MGAT4D: variants seen among roughly 807,000 people sequenced by gnomAD.
MGAT4D encodes the protein alpha-1,3-mannosyl-glycoprotein 4-beta-N-acetylglucosaminyltransferase-like protein MGAT4D.
In MGAT4D, 34 loss-of-function variants were observed where a neutral mutation model predicts 15.9. That is an observed-to-expected ratio of 2.14 (90% CI 1.62 to 2.84). The LOEUF is 2.84. MGAT4D is among the 30% of genes most tolerant of loss of function. MGAT4D has a pLI of 0.00. For synonymous variants in MGAT4D, 112 were observed against 48.2 expected (o/e 2.33, Z -5.49); for missense variants, 327 against 140.2 (o/e 2.33, Z -6.73).
intron 9 of MGAT4D, among the ~76,000 whole-genome samples, chr4:140,456,223 A>G (rs1189391595): frequency 2.0e-5 from 3 of 152,206 alleles, no homozygotes; most frequent in African/African-American, 7.2e-5. Flanking sequence ...TAACCTATCT[A>G]TAATATTTGA....
rs542301707 is a variant in MGAT4D, at chr4:140,465,690, AT to A, written c.573-682del. On this transcript the variant is annotated intron_variant, in intron 5 of 10. Coordinates refer to ENST00000511113, the MANE Select transcript of MGAT4D (RefSeq NM_001277353.2). Reference sequence around the variant, plus strand: ...GAGATTGGAATTTAGGCATTACATTATTTATTAACATGTTAAAGGTTCAAGG... The same window carrying A: ...GAGATTGGAATTTAGGCATTACATTATTATTAACATGTTAAAGGTTCAAGG... Among the ~76,000 whole-genome samples the A allele has an allele frequency of 1.4e-3, 216 of 152,338 alleles. 1 individual carries two copies. Among genetic ancestry groups the A allele is most frequent in the Non-Finnish European group, 2.9e-4 (20 of 68,010 alleles).
intron 2 of MGAT4D, among the ~76,000 whole-genome samples, chr4:140,481,348 C>T (rs1732716837): frequency 6.6e-6 from 1 of 152,126 alleles, no homozygotes; most frequent in Non-Finnish European, 1.5e-5. Context: ...AACTCTCATA[C>T]ATTGCTGGAG....
chr4:140,451,756 G>A (rs1730487439), intron 9 of MGAT4D, among the ~76,000 whole-genome samples: 1 of 152,034 alleles, frequency 6.6e-6, no homozygotes, highest in Non-Finnish European at 1.5e-5. Context: ...AGAAAAGCAG[G>A]TTAGTGTTGT....
chr4:140,473,295 G>A (rs1732095129), intron 4 of MGAT4D, among the ~76,000 whole-genome samples: 1 of 151,900 alleles, frequency 6.6e-6, no homozygotes, highest in Admixed American at 6.6e-5. Context: ...TTCTTTCAAT[G>A]ACTATCGAGT....
At chr4:140,453,740 C>T (rs548431061) in intron 9 of MGAT4D, among the ~76,000 whole-genome samples, 1 of 152,078 alleles carries the variant, frequency 6.6e-6, no homozygotes, top group Admixed American at 6.6e-5. Flanking sequence ...CTCCTGCTGC[C>T]ATGTAAGATG....
chr4:140,461,822 AG>A, intron 7 of MGAT4D, 106 bp downstream of exon 7: 1 of 445,360 alleles, frequency 2.2e-6, no homozygotes, highest in Non-Finnish European at 4.0e-6. Flanking sequence ...TATAGGAAGG[AG>A]GGAGAAAGTA....
At chr4:140,454,237 A>G (rs1228579788) in intron 9 of MGAT4D, among the ~76,000 whole-genome samples, 1 of 152,170 alleles carries the variant, frequency 6.6e-6, no homozygotes, top group Non-Finnish European at 1.5e-5. Context: ...GAAGTTGGCT[A>G]TGGGATTTCT....
At chr4:140,458,099 T>C (rs1730927374) in intron 8 of MGAT4D, 2 of 152,168 alleles carry the variant, frequency 1.3e-5, no homozygotes, top group Non-Finnish European at 2.9e-5. Flanking sequence ...GTAAACCGTA[T>C]AACCAATCTG....
Position 140,474,883 on chromosome 4 carries a change from A to T in MGAT4D, c.455T>A (p.Leu152Gln). Residue 152 changes from leucine to glutamine, a missense_variant, in exon 4 of 11, where the codon CTG (leucine) becomes CAG (glutamine). Transcript: ENST00000511113. ...RGNYSYLKQT[L>Q]TSVVSRMTLS... ...CGTCATCCTGGAGACAACAGAGGTC[A>T]GTGTCTGTTTCAGGTAACTATAATT... The T allele has an allele frequency of 1.4e-6, 1 of 699,604 alleles. No homozygotes were observed. Among genetic ancestry groups the T allele is most frequent in the African/African-American group, 1.7e-5 (1 of 57,176 alleles). 43.3% of individuals were successfully genotyped at this position (699,604 alleles called of 1,614,324 possible).
chr4:140,454,012 A>ATGTG (rs34758499), intron 9 of MGAT4D, among the ~76,000 whole-genome samples: 9,440 of 148,142 alleles, frequency 0.064, 413 homozygotes, highest in East Asian at 0.28. Flanking sequence ...TCTAGGATGT[A>ATGTG]TGTGTGTGTG....
intron 1 of MGAT4D, among the ~76,000 whole-genome samples, chr4:140,493,917 T>C (rs763227930): frequency 2.0e-5 from 3 of 152,162 alleles, no homozygotes; most frequent in Non-Finnish European, 4.4e-5. Context: ...TGTCAGACAT[T>C]GAGGCAGTGG....
chr4:140,485,356 A>G (rs1733035421), intron 1 of MGAT4D, among the ~76,000 whole-genome samples: 1 of 152,000 alleles, frequency 6.6e-6, no homozygotes, highest in Non-Finnish European at 1.5e-5. Context: ...AACAATGAGA[A>G]CACATGGACA....
At chr4:140,445,380 T>A (rs1214275005) in intron 10 of MGAT4D, among the ~76,000 whole-genome samples, 1 of 152,222 alleles carries the variant, frequency 6.6e-6, no homozygotes, top group South Asian at 2.1e-4. Flanking sequence ...TGGGGTTGTT[T>A]GTTTTTTGCT....
Position 140,482,450 on chromosome 4 carries a change from C to G in MGAT4D, c.130G>C (p.Glu44Gln). 1 of 638,940 alleles carries G rather than the reference C, an allele frequency of 1.6e-6. No homozygotes were observed. Among genetic ancestry groups the G allele is most frequent in the East Asian group, 3.0e-5 (1 of 33,868 alleles). 39.6% of individuals were successfully genotyped at this position (638,940 alleles called of 1,614,324 possible). ...AAGTGTAGCATATTTTCTTTAAACT[C>G]CAAAATATGGTTTCTACAGTTAATT... is the stretch of plus-strand genomic sequence containing the variant. The part of the protein sequence containing the change: ...QLINCRNHIL[E>Q]FKENMLHLRN... Residue 44 changes from glutamate to glutamine, a missense_variant, in exon 2 of 11, where the codon GAG (glutamate) becomes CAG (glutamine). Glu to Gln is a conservative substitution (Grantham distance 29, BLOSUM62 2). Coordinates refer to ENST00000511113, the MANE Select transcript of MGAT4D (RefSeq NM_001277353.2).
chr4:140,477,411 A>G (rs1375707016), intron 3 of MGAT4D, among the ~76,000 whole-genome samples: 1 of 152,222 alleles, frequency 6.6e-6, no homozygotes, highest in Non-Finnish European at 1.5e-5. Context: ...CCCAGAACAG[A>G]GTAGAAGCTT....
At chr4:140,479,923 T>C (rs1267491999) in intron 2 of MGAT4D, among the ~76,000 whole-genome samples, 1 of 152,192 alleles carries the variant, frequency 6.6e-6, no homozygotes, top group African/African-American at 2.4e-5. Context: ...CATGCTGTAA[T>C]TGGCTTACTC....
intron 2 of MGAT4D, among the ~76,000 whole-genome samples, chr4:140,480,606 T>C (rs1732639405): frequency 6.6e-6 from 1 of 152,070 alleles, no homozygotes; most frequent in African/African-American, 2.4e-5. Context: ...CTGATATGTA[T>C]CCAGGATAAT....
chr4:140,475,492 T>C (rs1578688331), intron 3 of MGAT4D, among the ~76,000 whole-genome samples: 1 of 152,028 alleles, frequency 6.6e-6, no homozygotes, highest in African/African-American at 2.4e-5. Context: ...GCAGCTAAGA[T>C]TGAGGCTACC....
At chr4:140,444,378 C>T (rs1047928507) in intron 10 of MGAT4D, among the ~76,000 whole-genome samples, 2 of 152,112 alleles carry the variant, frequency 1.3e-5, no homozygotes, top group African/African-American at 2.4e-5. Flanking sequence ...TCCTACCATC[C>T]TCCCTCAAGT....
Sources: gnomAD v4.1 joint callset for allele counts (sites outside exome capture counted in the v4.1 genomes callset) on GRCh38, gnomAD v4.1.1 for gene constraint, MANE v1.5 for transcripts, NCBI Gene and HGNC (gene_info 2026-07-23, HGNC 2026-07-21) for gene names.